The following ISL2 variants were observed in gnomAD, a reference collection of about 807,000 sequenced individuals.
The protein encoded by ISL2 is insulin gene enhancer protein ISL-2.
A neutral mutation model predicts 34.6 loss-of-function variants in ISL2; 17 were observed. The observed-to-expected ratio is 0.49, with a 90% CI of 0.34 to 0.74. ISL2 has a LOEUF of 0.74. Among genes scored for constraint, ISL2 ranks in the 30% least tolerant of loss-of-function variants. ISL2 has a pLI of 0.01. For synonymous variants in ISL2, 232 were observed against 225.5 expected (o/e 1.03, Z -0.26); for missense variants, 469 against 515.2 (o/e 0.91, Z 0.87).
chr15:76,340,120 C>A (rs892815706), intron 3 of ISL2, 156 bp from the exon 4 acceptor site: 18 of 1,422,978 alleles, frequency 1.3e-5, no homozygotes, highest in African/African-American at 2.9e-5. Flanking sequence ...CCGAGTAAGG[C>A]GAACAGATGG....
Position 76,337,006 on chromosome 15 carries a change from T to C in ISL2, c.58+65T>C, listed in dbSNP as rs1237390810. 1.6e-5 allele frequency: 22 copies of C among 1,412,964 alleles called. No homozygotes were observed. The East Asian group carries it at 3.4e-4, about 22-fold the overall frequency. 87.5% of individuals were successfully genotyped at this position (1,412,964 alleles called of 1,614,324 possible). A position where few individuals can be genotyped will look rare whatever the true frequency, so the allele number is the denominator to read the frequency against. On this transcript the variant is annotated intron_variant, in intron 1 of 5. Transcript: ENST00000290759. Reference sequence around the variant, plus strand: ...TATGCTTAATATGCAAAATTTCTAATGCAGAAAAATGTTTAGTGGATTCTA... The same window carrying C: ...TATGCTTAATATGCAAAATTTCTAACGCAGAAAAATGTTTAGTGGATTCTA...
intron 3 of ISL2, chr15:76,339,747 A>G: frequency 7.1e-6 from 7 of 989,378 alleles, no homozygotes; most frequent in Non-Finnish European, 7.2e-6. Context: ...TCTTCTACAC[A>G]TGTGGCCTGG....
At chr15:76,341,090 C>T (rs756667240) in intron 4 of ISL2, 44 bp from the exon 5 acceptor site, 6 of 1,504,728 alleles carry the variant, frequency 4.0e-6, no homozygotes, top group Non-Finnish European at 5.3e-6. Context: ...GCAGAAAAGG[C>T]CAGACCTAAC....
chr15:76,338,579 C>T (rs2040170482), intron 3 of ISL2, 65 bp downstream of exon 3: 1 of 1,265,240 alleles, frequency 7.9e-7, no homozygotes, highest in Non-Finnish European at 1.0e-6. Flanking sequence ...TGTAGGGGTA[C>T]GCTTGTGTCC....
In ISL2 at chr15:76,337,900, T is replaced by C. The variant is rs1335414130; in HGVS notation, c.181T>C (p.Tyr61His). ...ACLKCAECSQ[Y>H]LDETCTCFVR... ...CCTCAAGTGTGCCGAGTGCAGCCAG[T>C]ACCTGGACGAGACGTGCACGTGCTT... is the stretch of plus-strand genomic sequence containing the variant. The change falls in exon 2 of 6, where the codon TAC becomes CAC. Residue 61 changes from tyrosine to histidine, a missense_variant. Physicochemically the swap from Tyr to His is moderately conservative, Grantham distance 83. This residue lies in a region of ISL2 where 297 missense variants were observed against 337.8 expected (regional missense o/e 0.88). Coordinates refer to ENST00000290759, the MANE Select transcript of ISL2 (RefSeq NM_145805.3). 1 of 1,612,472 alleles carries C rather than the reference T, an allele frequency of 6.2e-7. No individual in the cohort carries two copies. Among genetic ancestry groups the C allele is most frequent in the Non-Finnish European group, 8.5e-7 (1 of 1,179,572 alleles).
intron 3 of ISL2, chr15:76,339,900 C>CT: frequency 9.4e-7 from 1 of 1,063,436 alleles, no homozygotes; most frequent in East Asian, 7.5e-5. Context: ...GGGCAAGCCT[C>CT]TTTCCTCTTC....
rs1288598999 is a variant in ISL2, at chr15:76,338,700, G to A, written c.511+186G>A. The A allele has an allele frequency of 4.1e-6, 4 of 985,416 alleles. No individual in the cohort carries two copies. In the African/African-American group the frequency reaches 7.0e-5, roughly 17 times the overall value. The allele number at this position is 985,416 out of a possible 1,614,324, so 61.0% of individuals were successfully genotyped here. ...AGGCTGTGTGTATTCTCGTGTGCTC[G>A]GGAGAAACTGCGTGTGTATGAGTGT... is the stretch of plus-strand genomic sequence containing the variant. On this transcript the variant is annotated intron_variant, in intron 3 of 5. Coordinates refer to ENST00000290759, the MANE Select transcript of ISL2 (RefSeq NM_145805.3).
intron 4 of ISL2, 55 bp from the exon 5 acceptor site, chr15:76,341,079 G>T: frequency 1.4e-6 from 2 of 1,472,728 alleles, no homozygotes; most frequent in Non-Finnish European, 9.1e-7. Flanking sequence ...TCTCAAAGGT[G>T]GCAGAAAAGG....
chr15:76,337,736 G>T, intron 1 of ISL2, 42 bp from the exon 2 acceptor site: 1 of 1,500,852 alleles, frequency 6.7e-7, no homozygotes, highest in Non-Finnish European at 9.0e-7. Context: ...GCCTGGGTCC[G>T]GGCAGTCAGG....
intron 5 of ISL2, 85 bp from the exon 6 acceptor site, chr15:76,341,634 A>G: frequency 9.5e-7 from 1 of 1,049,046 alleles, no homozygotes; most frequent in South Asian, 1.3e-5. Flanking sequence ...CCCAAGGGAC[A>G]CTTTCCGACT....
chr15:76,341,776 C>T lies in ISL2; in HGVS notation c.1021C>T (p.Leu341=). The change falls in exon 6 of 6, where the codon CTG becomes TTG. Residue 341 remains leucine (L), a synonymous_variant. Coordinates refer to ENST00000290759, the MANE Select transcript of ISL2 (RefSeq NM_145805.3). ...GNSSGSDVTS[L]SSQLPDTPNS... ...CTCCTCCGGCAGCGACGTGACCTCC[C>T]TGTCCTCGCAGCTCCCGGACACCCC... The T allele has an allele frequency of 6.2e-7, 1 of 1,614,018 alleles. No homozygotes were observed.
At chr15:76,339,124 G>A (rs2141582250) in intron 3 of ISL2, 1 of 985,394 alleles carries the variant, frequency 1.0e-6, no homozygotes, top group South Asian at 4.7e-5. Context: ...CCAGAGATGG[G>A]GTCTGAGTGT....
Position 76,340,558 on chromosome 15 carries a change from C to A in ISL2, c.794C>A (p.Thr265Lys), listed in dbSNP as rs867957482. The change falls in exon 4 of 6, where the codon ACG becomes AAG. Residue 265 changes from threonine to lysine, a missense_variant and splice_region_variant. Coordinates refer to ENST00000290759, the MANE Select transcript of ISL2 (RefSeq NM_145805.3). ...QLQQQQHSDK[T>K]SLQGLTGTPL... ...CAGCAGCAGCAGCACAGCGACAAGA[C>A]GGTGAGCAGCCGCTGGGCCGGAGGC... 6.2e-7 allele frequency: 1 copy of A among 1,602,398 alleles called. No homozygotes were observed. The highest frequency in any genetic ancestry group is 8.5e-7 in the Non-Finnish European group (1 of 1,172,126).
intron 2 of ISL2, 59 bp downstream of exon 2, chr15:76,338,026 G>T (rs970278458): frequency 5.7e-6 from 8 of 1,396,136 alleles, no homozygotes; most frequent in Non-Finnish European, 7.5e-6. Context: ...GCCGGGACTG[G>T]GGATGGCGGC....
At chr15:76,340,046 G>C (rs1338141422) in intron 3 of ISL2, 2 of 1,361,472 alleles carry the variant, frequency 1.5e-6, no homozygotes, top group East Asian at 5.7e-5. Context: ...TTGAGCTCGG[G>C]AGAGATCGCT....
chr15:76,336,992 T>C (rs1566964547), intron 1 of ISL2, 51 bp downstream of exon 1: 1 of 1,504,448 alleles, frequency 6.6e-7, no homozygotes, highest in South Asian at 1.1e-5. Context: ...ATGCTTAATA[T>C]GCAAAATTTC....
Position 76,338,481 on chromosome 15 carries a change from C to T in ISL2, c.478C>T (p.Pro160Ser). ...GGCCGGCAGCCCGCGCAGCCCCGGC[C>T]CGCTTCCCGGCGCCCGCGGCCTGCA... ...AAAGSPRSPG[P>S]LPGARGLHLP... The change falls in exon 3 of 6, where the codon CCG becomes TCG. Residue 160 changes from proline (P) to serine (S), a missense_variant. Coordinates refer to ENST00000290759, the MANE Select transcript of ISL2 (RefSeq NM_145805.3). The T allele has an allele frequency of 7.6e-7, 1 of 1,324,496 alleles. No homozygotes were observed. The highest frequency in any genetic ancestry group is 9.6e-7 in the Non-Finnish European group (1 of 1,045,672). The allele number at this position is 1,324,496 out of a possible 1,614,324, so 82.0% of individuals were successfully genotyped here. A position where few individuals can be genotyped will look rare whatever the true frequency, so the allele number is the denominator to read the frequency against.
chr15:76,340,408 G>A lies in ISL2; in HGVS notation c.644G>A (p.Arg215Gln), dbSNP rs1042580080. ...TLRTCYAANP[R>Q]PDALMKEQLV... Reference sequence around the variant, plus strand: ...CGGACCTGCTACGCCGCCAACCCGCGGCCCGACGCTCTCATGAAGGAGCAG... The same window carrying A: ...CGGACCTGCTACGCCGCCAACCCGCAGCCCGACGCTCTCATGAAGGAGCAG... Residue 215 changes from arginine to glutamine, a missense_variant, in exon 4 of 6, where the codon CGG (arginine) becomes CAG (glutamine). Coordinates refer to ENST00000290759, the MANE Select transcript of ISL2 (RefSeq NM_145805.3). The A allele has an allele frequency of 6.2e-7, 1 of 1,613,688 alleles. No homozygotes were observed. Among genetic ancestry groups the A allele is most frequent in the Non-Finnish European group, 8.5e-7 (1 of 1,179,980 alleles).
At position 76,341,253 on chromosome 15, in the gene ISL2, C is replaced by A. The variant is rs1164882646; in HGVS notation, c.915C>A (p.Ser305Arg). The A allele has an allele frequency of 6.2e-7, 1 of 1,610,466 alleles. No homozygotes were observed. The highest frequency in any genetic ancestry group is 8.5e-7 in the Non-Finnish European group (1 of 1,178,820). Residue 305 changes from serine (S) to arginine (R), a missense_variant, in exon 5 of 6, where the codon AGC (serine) becomes AGA (arginine). Ser to Arg is a moderately radical substitution (Grantham distance 110). This residue lies in a region of ISL2 where 169 missense variants were observed against 154.2 expected (regional missense o/e 1.10). Transcript: ENST00000290759. ...QTYQPPWKAL[S>R]EFALQSDLDQ... The stretch of plus-strand genomic sequence containing the variant: ...ACCAGCCGCCGTGGAAGGCGCTCAG[C>A]GAGTTTGCCCTCCAGAGCGACCTGG...
Sources: allele counts gnomAD v4.1 joint callset, GRCh38; gene constraint gnomAD v4.1.1; regional missense constraint gnomAD v4.1.1; transcripts MANE v1.5; gene names NCBI Gene and HGNC (gene_info 2026-07-23, HGNC 2026-07-21).